Variants in PRRX2 observed in about 807,000 individuals in gnomAD.
PRRX2 encodes the protein paired mesoderm homeobox protein 2.
PRRX2 carries 11 observed loss-of-function variants against 18.0 expected under a neutral mutation model. That is an observed-to-expected ratio of 0.61 (90% CI 0.39 to 1.01). The LOEUF (loss-of-function observed/expected upper bound fraction) is 1.01, where lower values mean the gene tolerates loss of function less well. Ranked by LOEUF, PRRX2 falls within the 50% of genes least tolerant of loss-of-function variation. The pLI, the probability that PRRX2 is intolerant of heterozygous loss-of-function variation, is 0.01. For synonymous variants in PRRX2, 177 were observed against 154.8 expected (o/e 1.14, Z -1.06); for missense variants, 387 against 351.0 (o/e 1.10, Z -0.82).
intron 1 of PRRX2, among the ~76,000 whole-genome samples, chr9:129,687,407 A>G (rs1387805988): frequency 6.6e-6 from 1 of 152,104 alleles, no homozygotes; most frequent in Non-Finnish European, 1.5e-5. Flanking sequence ...ACCACCTTCC[A>G]GGCATCATCT....
chr9:129,720,226 C>T (rs1253210388), intron 2 of PRRX2, among the ~76,000 whole-genome samples: 1 of 150,916 alleles, frequency 6.6e-6, no homozygotes, highest in East Asian at 2.0e-4. Flanking sequence ...CCCCTCTCCC[C>T]GCGAGTGCTC....
At chr9:129,712,809 C>CG (rs1293647924) in intron 1 of PRRX2, 2 of 152,172 alleles carry the variant, frequency 1.3e-5, no homozygotes, top group African/African-American at 2.4e-5. Flanking sequence ...ACTCTGGGCA[C>CG]GGCCCTCCTT....
At chr9:129,670,643 G>A (rs1036345100) in intron 1 of PRRX2, among the ~76,000 whole-genome samples, 5 of 152,158 alleles carry the variant, frequency 3.3e-5, no homozygotes, top group African/African-American at 1.2e-4. Flanking sequence ...CCAAAGTGCT[G>A]GGATTACAGG....
chr9:129,693,856 G>A (rs1031766404), intron 1 of PRRX2, among the ~76,000 whole-genome samples: 1 of 152,190 alleles, frequency 6.6e-6, no homozygotes, highest in African/African-American at 2.4e-5. Flanking sequence ...TCTTTCTGTG[G>A]TCTATGTGGA....
At chr9:129,722,128 G>C in intron 3 of PRRX2, 89 bp from the exon 4 acceptor site, 2 of 1,520,816 alleles carry the variant, frequency 1.3e-6, no homozygotes, top group Non-Finnish European at 1.8e-6. Flanking sequence ...AAGCTAAGGA[G>C]GGGGGTGGCA....
intron 1 of PRRX2, among the ~76,000 whole-genome samples, chr9:129,696,634 C>T (rs1423939925): frequency 1.3e-5 from 2 of 152,188 alleles, no homozygotes; most frequent in Non-Finnish European, 2.9e-5. Context: ...CAAAGCTACC[C>T]TCGGTTCCCG....
intron 1 of PRRX2, among the ~76,000 whole-genome samples, chr9:129,678,947 G>A (rs907819663): frequency 1.3e-5 from 2 of 152,218 alleles, no homozygotes; most frequent in African/African-American, 4.8e-5. Context: ...CCCTGGCCCA[G>A]CTGCCGTGAG....
chr9:129,699,599 C>T (rs1391585773), intron 1 of PRRX2, among the ~76,000 whole-genome samples: 1 of 152,040 alleles, frequency 6.6e-6, no homozygotes, highest in African/African-American at 2.4e-5. Flanking sequence ...AGATTATGTT[C>T]CCATCAGGAG....
At chr9:129,700,604 G>T (rs1363987962) in intron 1 of PRRX2, among the ~76,000 whole-genome samples, 1 of 146,002 alleles carries the variant, frequency 6.8e-6, no homozygotes, top group East Asian at 2.0e-4. Context: ...TGCTGGGATT[G>T]CAGAGCCACA....
Position 129,717,250 on chromosome 9 carries a change from A to G in PRRX2, c.260-1981A>G, listed in dbSNP as rs1832720171. Among the ~76,000 whole-genome samples the G allele has an allele frequency of 2.0e-5, 3 of 151,986 alleles. No individual in the cohort carries two copies. The South Asian group carries it at 6.2e-4, about 32-fold the overall frequency. ...TTTGTCTTTGTTTTGTTTTGTTTTTAGTAGAGATGGGGTTTCACCATATTG... is the reference window on the plus strand; with the variant it reads ...TTTGTCTTTGTTTTGTTTTGTTTTTGGTAGAGATGGGGTTTCACCATATTG... On this transcript the variant is annotated intron_variant, in intron 1 of 3. Transcript: ENST00000372469.
chr9:129,688,574 A>G (rs1832321690), intron 1 of PRRX2, among the ~76,000 whole-genome samples: 1 of 152,182 alleles, frequency 6.6e-6, no homozygotes, highest in Non-Finnish European at 1.5e-5. Flanking sequence ...ACGTCAGGAC[A>G]AGGTCTCTTG....
chr9:129,678,799 G>A (rs729523), intron 1 of PRRX2, among the ~76,000 whole-genome samples: 8 of 151,922 alleles, frequency 5.3e-5, no homozygotes, highest in East Asian at 1.9e-4. Context: ...CTCTGGGGGC[G>A]CTCTCAGTGA....
chr9:129,677,005 CT>C (rs1832168880), intron 1 of PRRX2, among the ~76,000 whole-genome samples: 1 of 152,212 alleles, frequency 6.6e-6, no homozygotes, highest in Non-Finnish European at 1.5e-5. Flanking sequence ...AACTCCGTGC[CT>C]CCCCACTTGC....
rs938263042 is a variant in PRRX2 at position 129,665,876 on chromosome 9, C to T, written c.9C>T (p.Ser3=). ...CGGGGCCGCTCGCGGGCATGGACAG[C>T]GCGGCCGCCGCCTTCGCCCTGGACA... MD[S]AAAAFALDKP... The change falls in exon 1 of 4, where the codon AGC becomes AGT. Residue 3 remains serine, a synonymous_variant. Coordinates refer to ENST00000372469, the MANE Select transcript of PRRX2 (RefSeq NM_016307.4). The surrounding 1 kb of genome is among the most constrained non-coding windows in gnomAD (Gnocchi z 5.3). 2 of 1,067,092 alleles carry T rather than the reference C, an allele frequency of 1.9e-6. No individual in the cohort carries two copies. Among genetic ancestry groups the T allele is most frequent in the Admixed American group, 5.5e-5 (1 of 18,192 alleles). The allele number at this position is 1,067,092 out of a possible 1,614,324, so 66.1% of individuals were successfully genotyped here. A position where few individuals can be genotyped will look rare whatever the true frequency, so the allele number is the denominator to read the frequency against.
At chr9:129,691,170 C>CAAAAAAAAA (rs59003962) in intron 1 of PRRX2, among the ~76,000 whole-genome samples, 1 of 101,264 alleles carries the variant, frequency 9.9e-6, no homozygotes, top group African/African-American at 3.2e-5. Flanking sequence ...GCTAAATATA[C>CAAAAAAAAA]AAAAAAAAAA....
At chr9:129,678,515 G>T (rs1832189580) in intron 1 of PRRX2, among the ~76,000 whole-genome samples, 1 of 152,142 alleles carries the variant, frequency 6.6e-6, no homozygotes, top group Non-Finnish European at 1.5e-5. Context: ...CGGTTTCCTG[G>T]GGGAAACAGA....
intron 1 of PRRX2, among the ~76,000 whole-genome samples, chr9:129,667,794 C>G (rs1157747136): frequency 2.0e-5 from 3 of 152,184 alleles, no homozygotes; most frequent in Admixed American, 1.3e-4. Flanking sequence ...CTAGTGTCAG[C>G]TGGGGATGTG....
intron 1 of PRRX2, among the ~76,000 whole-genome samples, chr9:129,706,290 A>AT (rs71310003): frequency 1.1e-5 from 1 of 90,616 alleles, no homozygotes; most frequent in Non-Finnish European, 2.0e-5. Flanking sequence ...CTACACAAAA[A>AT]TTTTTTTTTC....
At chr9:129,688,086 G>A (rs558572914) in intron 1 of PRRX2, among the ~76,000 whole-genome samples, 3 of 152,214 alleles carry the variant, frequency 2.0e-5, no homozygotes, top group East Asian at 3.9e-4. Context: ...TGTAGAGATG[G>A]GGGTCTCACT....
Sources: allele counts gnomAD v4.1 joint callset (sites outside exome capture counted in the v4.1 genomes callset), GRCh38; gene constraint gnomAD v4.1.1; non-coding constraint Gnocchi (gnomAD v3.1); transcripts MANE v1.5; gene names NCBI Gene and HGNC (gene_info 2026-07-23, HGNC 2026-07-21).